The following NEGR1 variants were observed in gnomAD, a reference collection of about 807,000 sequenced individuals.
NEGR1 encodes the protein neuronal growth regulator 1, also known as IgLON family member 4.
In NEGR1, 10 loss-of-function variants were observed where a neutral mutation model predicts 40.9. The ratio of observed to expected loss-of-function variants is 0.24; its 90% CI spans 0.15 to 0.42. NEGR1 has a LOEUF of 0.42. Ranked by LOEUF, NEGR1 falls within the 10% of genes least tolerant of loss-of-function variation. The probability of loss-of-function intolerance (pLI) is 1.00; values close to 1 mark genes in which losing one functional copy is unlikely to be tolerated. For missense variants in NEGR1, 352 were observed against 438.9 expected, an observed-to-expected ratio of 0.80 and a Z score of 1.77; for synonymous variants, 185 against 166.8, an observed-to-expected ratio of 1.11 and a Z score of -0.84.
intron 1 of NEGR1, among the ~76,000 whole-genome samples, chr1:72,053,525 A>C (rs1280294090): frequency 1.3e-5 from 2 of 151,256 alleles, no homozygotes; most frequent in Admixed American, 6.6e-5. Context: ...TTTGAAAATG[A>C]CCTTTTATTT....
chr1:71,801,845 T>C (rs978551277), intron 2 of NEGR1, among the ~76,000 whole-genome samples: 1 of 152,204 alleles, frequency 6.6e-6, no homozygotes, highest in African/African-American at 2.4e-5. Context: ...TTAAAGGTGA[T>C]ACTGATGAGG....
intron 1 of NEGR1, among the ~76,000 whole-genome samples, chr1:71,975,482 G>A (rs1320001678): frequency 6.6e-6 from 1 of 152,188 alleles, no homozygotes; most frequent in Non-Finnish European, 1.5e-5. Context: ...TCAATGGAAT[G>A]CTCTTCTGAC....
intron 1 of NEGR1, among the ~76,000 whole-genome samples, chr1:72,202,280 T>A (rs1194746272): frequency 6.6e-6 from 1 of 151,946 alleles, no homozygotes; most frequent in Admixed American, 6.6e-5. Flanking sequence ...CCCCTCAGTC[T>A]TCCCTACTCC....
chr1:71,649,967 A>G (rs1651658032), intron 4 of NEGR1, among the ~76,000 whole-genome samples: 1 of 152,132 alleles, frequency 6.6e-6, no homozygotes, highest in African/African-American at 2.4e-5. Flanking sequence ...TCCATTAAAT[A>G]CCTAGTTTAT....
chr1:71,607,243 C>T (rs1456158323), intron 5 of NEGR1, among the ~76,000 whole-genome samples: 1 of 152,182 alleles, frequency 6.6e-6, no homozygotes, highest in Non-Finnish European at 1.5e-5. Context: ...TTCCTCTTGA[C>T]TCCATTTTTC....
intron 2 of NEGR1, among the ~76,000 whole-genome samples, chr1:71,874,766 C>T (rs967322451): frequency 6.6e-6 from 1 of 152,150 alleles, no homozygotes; most frequent in Non-Finnish European, 1.5e-5. Context: ...CACTTAGTAT[C>T]ATGATATCAC....
intron 1 of NEGR1, among the ~76,000 whole-genome samples, chr1:72,007,773 A>C (rs1427207294): frequency 6.6e-6 from 1 of 152,174 alleles, no homozygotes; most frequent in Non-Finnish European, 1.5e-5. Flanking sequence ...CTAAAGATAT[A>C]GGCCATTTTC....
At chr1:72,036,639 G>C (rs1405345152) in intron 1 of NEGR1, among the ~76,000 whole-genome samples, 1 of 135,884 alleles carries the variant, frequency 7.4e-6, no homozygotes, top group Non-Finnish European at 1.5e-5. Context: ...CTGGGAGACA[G>C]AGCGAGACTC....
chr1:71,403,305 T>A lies in NEGR1; in HGVS notation c.*4141A>T, dbSNP rs1646257792. On this transcript the variant is annotated 3_prime_UTR_variant, in exon 7 of 7. Transcript: ENST00000357731. ...TCTGAATACCTTCAGGTGCCCGTTG[T>A]TTTATACCCAGCTGTTAAGAAATTA... 1 of 152,042 alleles carries A rather than the reference T, an allele frequency of 6.6e-6. No individual in the cohort carries two copies. The highest frequency in any genetic ancestry group is 6.6e-5 in the Admixed American group (1 of 15,246). The allele number at this position is 152,042 out of a possible 1,614,324, so 9.4% of individuals were successfully genotyped here. A position where few individuals can be genotyped will look rare whatever the true frequency, so the allele number is the denominator to read the frequency against.
At chr1:71,733,992 T>G (rs2101667566) in intron 3 of NEGR1, among the ~76,000 whole-genome samples, 1 of 152,326 alleles carries the variant, frequency 6.6e-6, no homozygotes, top group Non-Finnish European at 1.5e-5. Context: ...TTTACATACT[T>G]TATTAATCAT....
intron 1 of NEGR1, among the ~76,000 whole-genome samples, chr1:71,945,451 A>G (rs1473781056): frequency 6.6e-6 from 1 of 152,168 alleles, no homozygotes; most frequent in Non-Finnish European, 1.5e-5. Context: ...GGAAAAAAAT[A>G]AAGAATTCAG....
chr1:71,915,837 T>C (rs1661561019), intron 2 of NEGR1, among the ~76,000 whole-genome samples: 1 of 152,220 alleles, frequency 6.6e-6, no homozygotes, highest in South Asian at 2.1e-4. Flanking sequence ...TAAATAAGCA[T>C]ATTACTTGCC....
intron 1 of NEGR1, among the ~76,000 whole-genome samples, chr1:72,153,552 C>T (rs960626816): frequency 1.3e-5 from 2 of 151,728 alleles, no homozygotes; most frequent in African/African-American, 4.8e-5. Flanking sequence ...ATATATAGAA[C>T]TGAAAGTCAG....
chr1:71,626,743 T>A (rs919874614), intron 4 of NEGR1, among the ~76,000 whole-genome samples: 2 of 151,964 alleles, frequency 1.3e-5, no homozygotes, highest in African/African-American at 4.8e-5. Context: ...AATCTACTCA[T>A]CTGACAAAGG....
At chr1:71,669,623 T>G (rs1022531676) in intron 4 of NEGR1, among the ~76,000 whole-genome samples, 10 of 152,096 alleles carry the variant, frequency 6.6e-5, no homozygotes, top group African/African-American at 2.4e-4. Context: ...TTCTTACTTT[T>G]ATGTCATTGC....
intron 6 of NEGR1, among the ~76,000 whole-genome samples, chr1:71,514,917 CG>C (rs1320571848): frequency 2.9e-5 from 3 of 103,512 alleles, no homozygotes; most frequent in African/African-American, 1.3e-4. Flanking sequence ...TCGAGAACTA[CG>C]TGAAGAATGC....
At chr1:71,712,889 T>C (rs1251338336) in intron 3 of NEGR1, among the ~76,000 whole-genome samples, 1 of 152,190 alleles carries the variant, frequency 6.6e-6, no homozygotes, top group Non-Finnish European at 1.5e-5. Context: ...TGCCACCATG[T>C]GAAGATGTGC....
intron 4 of NEGR1, among the ~76,000 whole-genome samples, chr1:71,680,003 T>C (rs1243493636): frequency 6.6e-6 from 1 of 152,092 alleles, no homozygotes; most frequent in East Asian, 1.9e-4. Context: ...TTTTTATACA[T>C]TGCTGGAATC....
At chr1:72,221,157 C>T (rs946260773) in intron 1 of NEGR1, among the ~76,000 whole-genome samples, 11 of 152,088 alleles carry the variant, frequency 7.2e-5, no homozygotes, top group Admixed American at 2.0e-4. Flanking sequence ...ACAGCTATAA[C>T]TCGGTCTCTT....
Sources: gnomAD v4.1 joint callset for allele counts (sites outside exome capture counted in the v4.1 genomes callset) on GRCh38, gnomAD v4.1.1 for gene constraint, MANE v1.5 for transcripts, NCBI Gene and HGNC (gene_info 2026-07-23, HGNC 2026-07-21) for gene names.